The following NFIA variants were observed in gnomAD, a reference collection of about 807,000 sequenced individuals.
The protein encoded by NFIA is nuclear factor 1 A-type.
A neutral mutation model predicts 62.8 loss-of-function variants in NFIA; 8 were observed. The observed-to-expected ratio is 0.13, with a 90% CI of 0.07 to 0.23. The LOEUF is 0.23. Among genes scored for constraint, NFIA ranks in the 10% least tolerant of loss-of-function variants. The pLI, the probability that NFIA is intolerant of heterozygous loss-of-function variation, is 1.00. For synonymous variants in NFIA, 235 were observed against 238.1 expected (o/e 0.99, Z 0.12); for missense variants, 410 against 642.1 (o/e 0.64, Z 3.91).
At chr1:61,078,884 A>C (rs1024010915), upstream of NFIA, among the ~76,000 whole-genome samples, 1 of 152,330 alleles carries the variant, frequency 6.6e-6, no homozygotes, top group Admixed American at 6.5e-5. Flanking sequence ...TCCAGTGGAA[A>C]CCAACTGCAG....
chr1:61,122,957 A>G (rs947087788), intron 2 of NFIA, among the ~76,000 whole-genome samples: 2 of 152,130 alleles, frequency 1.3e-5, no homozygotes, highest in South Asian at 2.1e-4. Context: ...CTCAGTACGT[A>G]TGTCCATGTA....
intron 2 of NFIA, among the ~76,000 whole-genome samples, chr1:61,270,817 C>G (rs1432322911): frequency 6.6e-6 from 1 of 152,196 alleles, no homozygotes; most frequent in East Asian, 1.9e-4. Context: ...CGGGTAGACT[C>G]AATAACTTGA....
chr1:61,202,418 A>G (rs1018194124), intron 2 of NFIA, among the ~76,000 whole-genome samples: 1 of 152,166 alleles, frequency 6.6e-6, no homozygotes, highest in Non-Finnish European at 1.5e-5. Flanking sequence ...TCCTTGTTTA[A>G]GGATTTATTT....
intron 2 of NFIA, among the ~76,000 whole-genome samples, chr1:61,207,027 A>G (rs1652941761): frequency 6.6e-6 from 1 of 152,212 alleles, no homozygotes; most frequent in Non-Finnish European, 1.5e-5. Flanking sequence ...AACTCCATGC[A>G]AAGAAAGTCA....
At chr1:61,086,280 G>T (rs911412095) in intron 1 of NFIA, among the ~76,000 whole-genome samples, 1 of 152,088 alleles carries the variant, frequency 6.6e-6, no homozygotes, top group South Asian at 2.1e-4. Flanking sequence ...ATGTATTTTA[G>T]ATCATTTCAA....
At chr1:61,307,983 A>G (rs1659892427) in intron 3 of NFIA, among the ~76,000 whole-genome samples, 2 of 152,344 alleles carry the variant, frequency 1.3e-5, no homozygotes, top group East Asian at 1.9e-4. Context: ...CAGAGAGAGC[A>G]TGCCTTGCTG....
chr1:61,268,458 C>T (rs1388356561), intron 2 of NFIA, among the ~76,000 whole-genome samples: 1 of 147,322 alleles, frequency 6.8e-6, no homozygotes, highest in Non-Finnish European at 1.5e-5. Context: ...TCCTTTTATT[C>T]TCACCAGGAA....
At chr1:61,346,812 T>C (rs371097026) in intron 4 of NFIA, among the ~76,000 whole-genome samples, 1 of 152,200 alleles carries the variant, frequency 6.6e-6, no homozygotes, top group African/African-American at 2.4e-5. Flanking sequence ...AGAGGTTTAA[T>C]TGACTCACAG....
At chr1:61,422,842 AGAG>A (rs1239271115) in intron 9 of NFIA, among the ~76,000 whole-genome samples, 1 of 151,762 alleles carries the variant, frequency 6.6e-6, no homozygotes, top group Non-Finnish European at 1.5e-5. Flanking sequence ...CAGTGCCCCT[AGAG>A]ATAATTCCTA....
intron 3 of NFIA, among the ~76,000 whole-genome samples, chr1:61,314,616 G>A (rs1319462712): frequency 6.6e-6 from 1 of 152,082 alleles, no homozygotes; most frequent in Non-Finnish European, 1.5e-5. Context: ...TCAAACCTCT[G>A]TCTGACAATG....
intron 6 of NFIA, among the ~76,000 whole-genome samples, chr1:61,359,563 T>C (rs1337761617): frequency 6.6e-6 from 1 of 152,148 alleles, no homozygotes; most frequent in Non-Finnish European, 1.5e-5. Context: ...TTTGGTTTTT[T>C]TGTTTGTTTT....
At chr1:61,281,204 A>T (rs1658107853) in intron 3 of NFIA, among the ~76,000 whole-genome samples, 1 of 151,676 alleles carries the variant, frequency 6.6e-6, no homozygotes, top group East Asian at 1.9e-4. Context: ...GCACCACTTC[A>T]TCCAGCCTGG....
At chr1:61,399,577 G>A (rs1051748062) in intron 7 of NFIA, among the ~76,000 whole-genome samples, 1 of 152,216 alleles carries the variant, frequency 6.6e-6, no homozygotes, top group African/African-American at 2.4e-5. Context: ...ATTTTGGTTT[G>A]AGGGAAAATG....
At chr1:61,432,210 C>A (rs996801958) in intron 10 of NFIA, among the ~76,000 whole-genome samples, 1 of 128,446 alleles carries the variant, frequency 7.8e-6, no homozygotes, top group Non-Finnish European at 1.6e-5. Context: ...TTCTTGTACA[C>A]TTTTCCCTAT....
chr1:61,108,050 A>G (rs1646633912), intron 2 of NFIA, among the ~76,000 whole-genome samples: 1 of 151,670 alleles, frequency 6.6e-6, no homozygotes, highest in African/African-American at 2.4e-5. Flanking sequence ...TCACTTACTA[A>G]GCCCTTATAA....
At chr1:61,379,260 C>T (rs1322552476) in intron 6 of NFIA, among the ~76,000 whole-genome samples, 2 of 151,936 alleles carry the variant, frequency 1.3e-5, no homozygotes, top group Non-Finnish European at 2.9e-5. Flanking sequence ...AAGATAAGGT[C>T]TCTCTCTGTT....
At chr1:61,125,390 T>C (rs1646950938) in intron 2 of NFIA, among the ~76,000 whole-genome samples, 1 of 152,336 alleles carries the variant, frequency 6.6e-6, no homozygotes. Flanking sequence ...TTAGACCTTA[T>C]GGTATTTCCT....
In NFIA at chr1:61,369,977, GT is replaced by G. The variant is rs150690661; in HGVS notation, c.946+10708del. Among the ~76,000 whole-genome samples, 1,283 of 152,224 alleles carry G rather than the reference GT, an allele frequency of 8.4e-3. 17 individuals are homozygous for G. Among genetic ancestry groups the G allele is most frequent in the African/African-American group, 0.027 (1,129 of 41,548 alleles). The stretch of plus-strand genomic sequence containing the variant: ...GTTTATATGGAAATAAAGTTCTGTG[GT>G]TTTTGGCCATCAATGTTTTTAACAA... On this transcript the variant is annotated intron_variant, in intron 6 of 10. Transcript: ENST00000403491.
chr1:61,078,216 C>A (rs1239077776), upstream of NFIA, among the ~76,000 whole-genome samples: 1 of 151,374 alleles, frequency 6.6e-6, no homozygotes, highest in Non-Finnish European at 1.5e-5. Flanking sequence ...AAGCTACAAG[C>A]GCTTCCGGAT....
Sources: gnomAD v4.1 joint callset for allele counts (sites outside exome capture counted in the v4.1 genomes callset) on GRCh38, gnomAD v4.1.1 for gene constraint, MANE v1.5 for transcripts, NCBI Gene and HGNC (gene_info 2026-07-23, HGNC 2026-07-21) for gene names.